CDH13: variants seen among roughly 807,000 people sequenced by gnomAD.
The protein encoded by CDH13 is cadherin 13.
In CDH13, 24 loss-of-function variants were observed where a neutral mutation model predicts 63.8. That is an observed-to-expected ratio of 0.38 (90% CI 0.27 to 0.53). The LOEUF (loss-of-function observed/expected upper bound fraction) is 0.53. Ranked by LOEUF, CDH13 falls within the 20% of genes least tolerant of loss-of-function variation. The probability of loss-of-function intolerance (pLI) is 0.85; values close to 1 mark genes in which losing one functional copy is unlikely to be tolerated. For missense variants in CDH13, 1,049 were observed against 903.1 expected, an observed-to-expected ratio of 1.16 and a Z score of -2.07; for synonymous variants, 503 against 355.3, an observed-to-expected ratio of 1.42 and a Z score of -4.67.
intron 8 of CDH13, among the ~76,000 whole-genome samples, chr16:83,615,730 C>T (rs1007145706): frequency 1.3e-5 from 2 of 152,170 alleles, no homozygotes; most frequent in African/African-American, 4.8e-5. Context: ...GTAAACAGTG[C>T]CATCACTCAT....
intron 2 of CDH13, among the ~76,000 whole-genome samples, chr16:83,014,866 A>T (rs867061330): frequency 9.8e-5 from 12 of 122,476 alleles, no homozygotes; most frequent in African/African-American, 3.1e-4. Context: ...GTATATATAT[A>T]TGTATATATA....
intron 2 of CDH13, among the ~76,000 whole-genome samples, chr16:82,901,716 A>G (rs567191579): frequency 1.3e-5 from 2 of 152,328 alleles, no homozygotes; most frequent in South Asian, 2.1e-4. Flanking sequence ...TGCTAGGTAT[A>G]ATGTATTACA....
intron 7 of CDH13, among the ~76,000 whole-genome samples, chr16:83,525,353 C>T (rs2074937802): frequency 6.6e-6 from 1 of 152,190 alleles, no homozygotes; most frequent in Admixed American, 6.5e-5. Context: ...GTAAAATAAG[C>T]TTTAGTACAA....
intron 8 of CDH13, among the ~76,000 whole-genome samples, chr16:83,627,626 C>T (rs1352026506): frequency 6.6e-6 from 1 of 152,176 alleles, no homozygotes. Flanking sequence ...TCTCAACTCA[C>T]TGCAGTCTCG....
intron 8 of CDH13, among the ~76,000 whole-genome samples, chr16:83,651,588 C>CTTTTTTTT (rs35237670): frequency 3.6e-4 from 27 of 75,290 alleles, no homozygotes; most frequent in Non-Finnish European, 4.8e-4. Flanking sequence ...TTATTTTCCT[C>CTTTTTTTT]TTTTTTTTTT....
At chr16:82,866,764 C>T (rs2040162625) in intron 2 of CDH13, among the ~76,000 whole-genome samples, 1 of 152,090 alleles carries the variant, frequency 6.6e-6, no homozygotes, top group Admixed American at 6.5e-5. Flanking sequence ...AAGGCACCTT[C>T]TTCACAAGGA....
rs557831677 is a variant in CDH13, at chr16:82,841,281, G to A, written c.46-17081G>A. The stretch of plus-strand genomic sequence containing the variant: ...TGGCCATATGGGACGTGCCAGCCAT[G>A]ATTTTTTGCAGCCTCTCTGTTAGTG... On this transcript the variant is annotated intron_variant, in intron 1 of 13. Coordinates refer to ENST00000567109, the MANE Select transcript of CDH13 (RefSeq NM_001257.5). Among the ~76,000 whole-genome samples the A allele has an allele frequency of 6.6e-5, 10 of 152,354 alleles. 1 individual carries two copies. In the South Asian group the frequency reaches 2.1e-3, roughly 32 times the overall value.
intron 5 of CDH13, among the ~76,000 whole-genome samples, chr16:83,295,137 A>G (rs1471657143): frequency 1.3e-5 from 2 of 152,106 alleles, no homozygotes; most frequent in Non-Finnish European, 2.9e-5. Flanking sequence ...GGGGAAAAAA[A>G]CTCTTCAATA....
intron 10 of CDH13, among the ~76,000 whole-genome samples, chr16:83,744,171 T>C (rs364960): frequency 0.22 from 33,048 of 152,086 alleles, 3,993 homozygotes; most frequent in Non-Finnish European, 0.27. Flanking sequence ...CTTTTACCTA[T>C]CCTGACACCA....
At chr16:83,560,148 G>A (rs1357641260) in intron 7 of CDH13, among the ~76,000 whole-genome samples, 1 of 152,188 alleles carries the variant, frequency 6.6e-6, no homozygotes, top group East Asian at 1.9e-4. Context: ...CTGGACAAGA[G>A]CAGAGCAAAG....
chr16:83,432,661 C>T (rs1404186474), intron 6 of CDH13, among the ~76,000 whole-genome samples: 3 of 152,072 alleles, frequency 2.0e-5, no homozygotes, highest in South Asian at 2.1e-4. Flanking sequence ...AAGGTGTAGC[C>T]GGCTCTCAGG....
chr16:83,014,729 TA>T (rs36157010), intron 2 of CDH13, among the ~76,000 whole-genome samples: 971 of 22,268 alleles, frequency 0.044, 40 homozygotes, highest in African/African-American at 0.15. Context: ...AGACTCCATC[TA>T]AAAAAAAAAA....
intron 7 of CDH13, among the ~76,000 whole-genome samples, chr16:83,590,311 G>C (rs1013099302): frequency 3.3e-5 from 5 of 152,174 alleles, no homozygotes; most frequent in African/African-American, 1.2e-4. Context: ...TGTGCACACA[G>C]AGGTGGTGGA....
At chr16:83,644,064 C>G (rs531629858) in intron 8 of CDH13, among the ~76,000 whole-genome samples, 1 of 152,332 alleles carries the variant, frequency 6.6e-6, no homozygotes, top group East Asian at 1.9e-4. Flanking sequence ...CCGCCAGCTC[C>G]AACTAGTGAA....
intron 3 of CDH13, among the ~76,000 whole-genome samples, chr16:83,059,588 C>T (rs980265350): frequency 6.6e-5 from 10 of 152,030 alleles, no homozygotes; most frequent in African/African-American, 1.2e-4. Context: ...AGGCACAAGA[C>T]GGTTTGGCCA....
In CDH13 at chr16:82,880,372, G is replaced by C. The variant is rs139816947; in HGVS notation, c.157+21899G>C. Among the ~76,000 whole-genome samples, 807 of 152,206 alleles carry C rather than the reference G, an allele frequency of 5.3e-3. 12 individuals are homozygous for C. The highest frequency in any genetic ancestry group is 0.018 in the African/African-American group (762 of 41,530). ...TTACATGGTACCCGCTGGGTTGATT[G>C]CTTCATATATCGGTGGTACTAATGT... On this transcript the variant is annotated intron_variant, in intron 2 of 13. Transcript: ENST00000567109.
chr16:83,139,687 A>G (rs1337530562), intron 4 of CDH13, among the ~76,000 whole-genome samples: 1 of 152,134 alleles, frequency 6.6e-6, no homozygotes, highest in Non-Finnish European at 1.5e-5. Context: ...TTTAGAGAAA[A>G]ATACACATTG....
chr16:82,898,845 CAG>C (rs2041359757), intron 2 of CDH13, among the ~76,000 whole-genome samples: 1 of 147,802 alleles, frequency 6.8e-6, no homozygotes, highest in African/African-American at 2.7e-5. Flanking sequence ...TTCTAGGAAA[CAG>C]AGTCTGAGCT....
chr16:83,398,433 T>C (rs1479278482), intron 6 of CDH13, among the ~76,000 whole-genome samples: 1 of 152,194 alleles, frequency 6.6e-6, no homozygotes, highest in Non-Finnish European at 1.5e-5. Flanking sequence ...CCTCTGCCTT[T>C]CTGTTACAAA....
Sources: gnomAD v4.1 joint callset for allele counts (sites outside exome capture counted in the v4.1 genomes callset) on GRCh38, gnomAD v4.1.1 for gene constraint, MANE v1.5 for transcripts, NCBI Gene and HGNC (gene_info 2026-07-23, HGNC 2026-07-21) for gene names.